Variants in KAZN observed in about 807,000 individuals in gnomAD.
KAZN encodes kazrin, periplakin interacting protein, also known as kazrin.
KAZN carries 40 observed loss-of-function variants against 87.4 expected under a neutral mutation model. That is an observed-to-expected ratio of 0.46 (90% CI 0.36 to 0.60). KAZN has a LOEUF of 0.60. Among genes scored for constraint, KAZN ranks in the 20% least tolerant of loss-of-function variants. KAZN has a pLI of 0.00. For synonymous variants in KAZN, 466 were observed against 458.3 expected (o/e 1.02, Z -0.22); for missense variants, 898 against 1,073.9 (o/e 0.84, Z 2.29).
intron 1 of KAZN, among the ~76,000 whole-genome samples, chr1:14,600,970 G>GTA (rs1486547568): frequency 1.3e-5 from 2 of 152,182 alleles, no homozygotes; most frequent in Non-Finnish European, 2.9e-5. Flanking sequence ...ACTCGCGGAT[G>GTA]GTTAAATTGT....
intron 2 of KAZN, among the ~76,000 whole-genome samples, chr1:14,585,201 T>C (rs886291899): frequency 6.6e-6 from 1 of 152,218 alleles, no homozygotes; most frequent in South Asian, 2.1e-4. Context: ...TTCTGTTGGT[T>C]AAGCCCCCTA....
intron 2 of KAZN, among the ~76,000 whole-genome samples, chr1:14,350,028 C>T (rs1338310387): frequency 4.7e-5 from 7 of 148,718 alleles, no homozygotes; most frequent in Admixed American, 4.1e-4. Flanking sequence ...CCCAGCTACT[C>T]GGGAGGCGTG....
intron 1 of KAZN, among the ~76,000 whole-genome samples, chr1:14,815,990 C>A (rs569549865): frequency 2.6e-5 from 4 of 152,288 alleles, no homozygotes; most frequent in African/African-American, 9.6e-5. Context: ...CCCTTGGTGA[C>A]ATTTCTCATT....
chr1:14,030,447 G>A (rs1454188365), intron 1 of KAZN, among the ~76,000 whole-genome samples: 4 of 148,342 alleles, frequency 2.7e-5, no homozygotes, highest in African/African-American at 7.5e-5. Flanking sequence ...GGGGGAGGGG[G>A]GAGAGATAGC....
chr1:14,765,651 G>T lies in KAZN; in HGVS notation c.226+166428G>T, dbSNP rs1417695835. The stretch of plus-strand genomic sequence containing the variant: ...CTGCGAATGGAGAAGGGGAAGGAAG[G>T]AGTGTTGGTAGAAAGAGCCCCAGAT... On this transcript the variant is annotated intron_variant, in intron 1 of 14. Transcript: ENST00000376030. Among the ~76,000 whole-genome samples, 4 of 152,196 alleles carry T rather than the reference G, an allele frequency of 2.6e-5. No homozygotes were observed. In the South Asian group the frequency reaches 8.3e-4, roughly 32 times the overall value.
At chr1:13,970,333 G>A (rs535113733) in intron 1 of KAZN, among the ~76,000 whole-genome samples, 37 of 152,270 alleles carry the variant, frequency 2.4e-4, no homozygotes, top group African/African-American at 8.4e-4. Flanking sequence ...TGCTAAGAAC[G>A]GTGCTGAGCC....
intron 1 of KAZN, among the ~76,000 whole-genome samples, chr1:14,149,369 A>G (rs1459569817): frequency 1.3e-5 from 2 of 151,838 alleles, no homozygotes; most frequent in Non-Finnish European, 2.9e-5. Context: ...GGCCTCCCAA[A>G]GTGCTGGGAT....
intron 1 of KAZN, among the ~76,000 whole-genome samples, chr1:13,942,546 CAAAAAAAAAA>C (rs55784948): frequency 1.4e-5 from 1 of 70,840 alleles, no homozygotes; most frequent in African/African-American, 5.9e-5. Flanking sequence ...GACTCCGTCT[CAAAAAAAAAA>C]AAAAAAAAAA....
At chr1:14,139,764 T>C (rs1645191408) in intron 1 of KAZN, among the ~76,000 whole-genome samples, 1 of 152,220 alleles carries the variant, frequency 6.6e-6, no homozygotes, top group Non-Finnish European at 1.5e-5. Context: ...CAGATCCCTA[T>C]TTGGCATCAG....
intron 4 of KAZN, among the ~76,000 whole-genome samples, chr1:15,048,529 G>A (rs1673842115): frequency 6.6e-6 from 1 of 152,192 alleles, no homozygotes; most frequent in Non-Finnish European, 1.5e-5. Context: ...CCCCTCCATG[G>A]CCAGAGCCAG....
chr1:14,535,417 C>G (rs1672436628), intron 2 of KAZN, among the ~76,000 whole-genome samples: 1 of 152,224 alleles, frequency 6.6e-6, no homozygotes. Flanking sequence ...CCTGTAATCC[C>G]AGCACTTTGG....
intron 2 of KAZN, among the ~76,000 whole-genome samples, chr1:14,342,463 T>A (rs1657803417): frequency 1.3e-5 from 2 of 152,220 alleles, no homozygotes; most frequent in African/African-American, 2.4e-5. Flanking sequence ...TTCTTGCTTT[T>A]TCACTAGCAT....
At chr1:14,737,871 G>A (rs895934065) in intron 1 of KAZN, among the ~76,000 whole-genome samples, 2 of 152,116 alleles carry the variant, frequency 1.3e-5, no homozygotes, top group African/African-American at 4.8e-5. Context: ...TCCTAGGCAG[G>A]GCCCCGGCTC....
intron 1 of KAZN, among the ~76,000 whole-genome samples, chr1:14,800,367 G>A (rs1203639545): frequency 6.6e-6 from 1 of 152,204 alleles, no homozygotes; most frequent in African/African-American, 2.4e-5. Context: ...TAAACAAGAT[G>A]TGGTCAATCC....
At chr1:14,584,226 G>T (rs1438856037) in intron 2 of KAZN, among the ~76,000 whole-genome samples, 1 of 152,226 alleles carries the variant, frequency 6.6e-6, no homozygotes, top group Non-Finnish European at 1.5e-5. Flanking sequence ...AGGAGCATGT[G>T]CCCTAGTCTT....
intron 1 of KAZN, among the ~76,000 whole-genome samples, chr1:14,647,465 C>T (rs182135816): frequency 1.3e-5 from 2 of 152,240 alleles, no homozygotes; most frequent in South Asian, 2.1e-4. Context: ...TCAATTGTTA[C>T]AGAAGGACCA....
At chr1:14,124,622 G>C (rs1030509397) in intron 1 of KAZN, among the ~76,000 whole-genome samples, 18 of 152,216 alleles carry the variant, frequency 1.2e-4, no homozygotes, top group African/African-American at 4.3e-4. Context: ...TATTGCTTAA[G>C]CTCTCTGGAA....
chr1:13,967,188 GGT>G (rs1165743474), intron 1 of KAZN, among the ~76,000 whole-genome samples: 1 of 152,178 alleles, frequency 6.6e-6, no homozygotes, highest in Admixed American at 6.5e-5. Flanking sequence ...GAAGGTACCT[GGT>G]AGTTGGCTTC....
chr1:14,910,998 G>A (rs1052698429), intron 1 of KAZN, among the ~76,000 whole-genome samples: 1 of 152,194 alleles, frequency 6.6e-6, no homozygotes, highest in Admixed American at 6.5e-5. Flanking sequence ...CGGAGGCATG[G>A]GCAGCTCACA....
Sources: allele counts gnomAD v4.1 joint callset (sites outside exome capture counted in the v4.1 genomes callset), GRCh38; gene constraint gnomAD v4.1.1; transcripts MANE v1.5; gene names NCBI Gene and HGNC (gene_info 2026-07-23, HGNC 2026-07-21).